The following RYR2 variants were observed in gnomAD, a reference collection of about 807,000 sequenced individuals.
RYR2 encodes the protein cardiac muscle ryanodine receptor-calcium release channel.
RYR2 carries 227 observed loss-of-function variants against 601.1 expected under a neutral mutation model. The observed-to-expected ratio is 0.38, with a 90% CI of 0.34 to 0.42. RYR2 has a LOEUF of 0.42. RYR2 is among the 10% of genes least tolerant of loss of function. The pLI, the probability that RYR2 is intolerant of heterozygous loss-of-function variation, is 1.00. For synonymous variants in RYR2, 2,223 were observed against 2,175.1 expected (o/e 1.02, Z -0.61); for missense variants, 4,646 against 6,156.5 (o/e 0.75, Z 8.21).
chr1:237,297,988 G>A (rs1202790681), intron 2 of RYR2, among the ~76,000 whole-genome samples: 2 of 145,736 alleles, frequency 1.4e-5, no homozygotes, highest in Admixed American at 7.2e-5. Context: ...CTGAACACCT[G>A]AGCTCAAGCA....
chr1:237,546,461 TC>T, intron 25 of RYR2, among the ~76,000 whole-genome samples: 1 of 152,282 alleles, frequency 6.6e-6, no homozygotes, highest in South Asian at 2.1e-4. Context: ...CACTGCAACC[TC>T]TGCCTCCCAG....
chr1:237,645,823 G>C (rs1382037153), intron 48 of RYR2, among the ~76,000 whole-genome samples: 1 of 149,704 alleles, frequency 6.7e-6, no homozygotes, highest in East Asian at 2.0e-4. Context: ...CACAATGAAA[G>C]TTAACTTTTA....
At chr1:237,536,701 C>T (rs1179405805) in intron 25 of RYR2, among the ~76,000 whole-genome samples, 59 of 113,906 alleles carry the variant, frequency 5.2e-4, no homozygotes, top group Non-Finnish European at 8.7e-4. Flanking sequence ...GACGACAGAG[C>T]GAGATTCCGT....
At chr1:237,570,802 T>C (rs550884097) in intron 29 of RYR2, among the ~76,000 whole-genome samples, 3 of 152,258 alleles carry the variant, frequency 2.0e-5, no homozygotes, top group African/African-American at 4.8e-5. Flanking sequence ...CTAGAGCATA[T>C]AAACAAGACA....
chr1:237,757,810 T>A, intron 82 of RYR2, 34 bp downstream of exon 82: 1 of 1,260,954 alleles, frequency 7.9e-7, no homozygotes, highest in Non-Finnish European at 1.2e-6. Flanking sequence ...TAATGTACTT[T>A]TCAGACAAAT....
chr1:237,186,803 A>G (rs1366615233), intron 1 of RYR2, among the ~76,000 whole-genome samples: 1 of 152,262 alleles, frequency 6.6e-6, no homozygotes, highest in Non-Finnish European at 1.5e-5. Context: ...TGGCTGTGGC[A>G]TAGCTGAAGC....
At chr1:237,149,735 G>A (rs972676290) in intron 1 of RYR2, among the ~76,000 whole-genome samples, 1 of 152,254 alleles carries the variant, frequency 6.6e-6, no homozygotes, top group South Asian at 2.1e-4. Flanking sequence ...GGAACATTAA[G>A]ATATTTTATA....
In RYR2 at chr1:237,423,170, G is replaced by A; in HGVS notation, c.927G>A (p.Met309Ile). The A allele has an allele frequency of 6.2e-7, 1 of 1,613,768 alleles. No individual in the cohort carries two copies. The highest frequency in any genetic ancestry group is 8.5e-7 in the Non-Finnish European group (1 of 1,179,796). Residue 309 changes from methionine (M) to isoleucine (I), a missense_variant, in exon 12 of 105, where the codon ATG becomes ATA. Met to Ile is a conservative substitution (Grantham distance 10). This residue lies in a region of RYR2 where 1,807 missense variants were observed against 2,088.1 expected (regional missense o/e 0.87). Transcript: ENST00000366574. The part of the protein sequence containing the change: ...HVTTGKYLSL[M>I]EDKNLLLMDK... ...CAACAGGAAAATACTTGAGTCTCAT[G>A]GAAGACAAAAACCTTCTACTCATGG...
chr1:237,349,136 T>C (rs1483419214), intron 3 of RYR2, among the ~76,000 whole-genome samples: 1 of 152,130 alleles, frequency 6.6e-6, no homozygotes. Flanking sequence ...ATATTAATAC[T>C]TATAAAACCA....
chr1:237,365,658 A>AACTT (rs1700130133), intron 5 of RYR2, among the ~76,000 whole-genome samples: 2 of 152,338 alleles, frequency 1.3e-5, no homozygotes, highest in South Asian at 4.1e-4. Flanking sequence ...AAATACTGAT[A>AACTT]ACTTATGATT....
intron 1 of RYR2, among the ~76,000 whole-genome samples, chr1:237,165,617 A>T (rs1014906371): frequency 5.3e-5 from 8 of 152,228 alleles, no homozygotes; most frequent in African/African-American, 1.9e-4. Context: ...TTATCCCAGC[A>T]CTTTGGGAGG....
At chr1:237,515,878 C>T (rs1467848824) in intron 24 of RYR2, among the ~76,000 whole-genome samples, 4 of 109,264 alleles carry the variant, frequency 3.7e-5, no homozygotes, top group African/African-American at 1.1e-4. Flanking sequence ...CTTTTCCTTC[C>T]TCTTCTCCTC....
At chr1:237,108,785 C>G (rs976600790) in intron 1 of RYR2, among the ~76,000 whole-genome samples, 1 of 152,158 alleles carries the variant, frequency 6.6e-6, no homozygotes, top group African/African-American at 2.4e-5. Flanking sequence ...TCTTAGGAAG[C>G]CTGCAATGTT....
intron 1 of RYR2, among the ~76,000 whole-genome samples, chr1:237,243,188 T>C (rs1035244342): frequency 1.4e-4 from 21 of 152,102 alleles, no homozygotes; most frequent in African/African-American, 4.8e-4. Context: ...CCTAGCTGAG[T>C]GTCCTCTTCC....
At chr1:237,341,900 A>T (rs545388972) in intron 3 of RYR2, among the ~76,000 whole-genome samples, 11 of 152,306 alleles carry the variant, frequency 7.2e-5, no homozygotes, top group Non-Finnish European at 1.0e-4. Flanking sequence ...CATTTGCCTG[A>T]CACAGTCCAG....
intron 1 of RYR2, among the ~76,000 whole-genome samples, chr1:237,151,976 A>G (rs558279090): frequency 6.6e-6 from 1 of 152,190 alleles, no homozygotes; most frequent in African/African-American, 2.4e-5. Flanking sequence ...ACCCACATGC[A>G]TTAGCTATTT....
intron 1 of RYR2, among the ~76,000 whole-genome samples, chr1:237,050,808 T>C (rs1661165528): frequency 1.3e-5 from 2 of 152,264 alleles, no homozygotes. Flanking sequence ...AACAGCACAC[T>C]GAGGTGATAG....
intron 1 of RYR2, among the ~76,000 whole-genome samples, chr1:237,108,573 A>T (rs1203570640): frequency 1.3e-5 from 2 of 152,216 alleles, no homozygotes; most frequent in Non-Finnish European, 2.9e-5. Flanking sequence ...GAGCTCTGGG[A>T]TTCTCTTAAA....
intron 40 of RYR2, among the ~76,000 whole-genome samples, chr1:237,627,484 C>T (rs1293576499): frequency 7.9e-5 from 12 of 152,066 alleles, no homozygotes; most frequent in Non-Finnish European, 1.6e-4. Flanking sequence ...AGTAGGACAC[C>T]TTATATTAAT....
Sources: allele counts gnomAD v4.1 joint callset (sites outside exome capture counted in the v4.1 genomes callset), GRCh38; gene constraint gnomAD v4.1.1; regional missense constraint gnomAD v4.1.1; transcripts MANE v1.5; gene names NCBI Gene and HGNC (gene_info 2026-07-23, HGNC 2026-07-21).